Variants in SQOR observed in about 807,000 individuals in gnomAD.
SQOR encodes the protein sulfide:quinone oxidoreductase, mitochondrial.
SQOR carries 39 observed loss-of-function variants against 48.6 expected under a neutral mutation model. The ratio of observed to expected loss-of-function variants is 0.80; its 90% CI spans 0.62 to 1.05. The LOEUF (loss-of-function observed/expected upper bound fraction) is 1.05, where lower values mean the gene tolerates loss of function less well. Ranked by LOEUF, SQOR falls within the 50% of genes least tolerant of loss-of-function variation. The pLI is 0.00. For missense variants in SQOR, 561 were observed against 559.9 expected (o/e 1.00, Z -0.02); for synonymous variants, 220 against 206.2 (o/e 1.07, Z -0.57).
chr15:45,636,635 C>A (rs185539855), intron 1 of SQOR, among the ~76,000 whole-genome samples: 2 of 151,910 alleles, frequency 1.3e-5, no homozygotes, highest in Non-Finnish European at 2.9e-5. Flanking sequence ...ATCTCTTGAC[C>A]TTGTGATACG....
At chr15:45,684,111 C>T (rs1388717523) in intron 7 of SQOR, among the ~76,000 whole-genome samples, 1 of 152,148 alleles carries the variant, frequency 6.6e-6, no homozygotes, top group African/African-American at 2.4e-5. Flanking sequence ...TGGGGTTTCA[C>T]CATGTTGGCC....
intron 2 of SQOR, among the ~76,000 whole-genome samples, chr15:45,659,379 T>A (rs999070404): frequency 1.3e-5 from 2 of 151,890 alleles, no homozygotes; most frequent in African/African-American, 4.8e-5. Context: ...TTTAGTGTTC[T>A]CCTCTGTATT....
At chr15:45,647,921 C>G (rs1403512394) in intron 1 of SQOR, among the ~76,000 whole-genome samples, 4 of 152,106 alleles carry the variant, frequency 2.6e-5, no homozygotes, top group Middle Eastern at 3.4e-3. Flanking sequence ...AAGACTGTCT[C>G]AAAAACAAAA....
chr15:45,673,498 G>A (rs1889978066), intron 4 of SQOR, 109 bp from the exon 5 acceptor site: 12 of 1,218,444 alleles, frequency 9.8e-6, no homozygotes, highest in Middle Eastern at 2.6e-4. Context: ...GGTATTGGAG[G>A]GTAATGATAG....
chr15:45,680,396 A>G (rs898157556), intron 6 of SQOR, among the ~76,000 whole-genome samples: 2 of 139,264 alleles, frequency 1.4e-5, no homozygotes, highest in African/African-American at 5.4e-5. Context: ...ACCTGGCCCA[A>G]TGTTAATTTC....
intron 7 of SQOR, among the ~76,000 whole-genome samples, chr15:45,686,349 A>T (rs1890225163): frequency 1.3e-5 from 2 of 152,030 alleles, no homozygotes; most frequent in South Asian, 4.1e-4. Flanking sequence ...ACGGGGTTTT[A>T]CCATGTTGGC....
chr15:45,660,912 T>C (rs987105407), intron 2 of SQOR, among the ~76,000 whole-genome samples: 2 of 152,092 alleles, frequency 1.3e-5, no homozygotes, highest in Non-Finnish European at 2.9e-5. Flanking sequence ...TCTAAGTGGA[T>C]TGGAATTCTT....
At chr15:45,644,085 T>C (rs1261142573) in intron 1 of SQOR, among the ~76,000 whole-genome samples, 1 of 150,572 alleles carries the variant, frequency 6.6e-6, no homozygotes, top group African/African-American at 2.4e-5. Context: ...AGACGGCGTA[T>C]TTTTTTTTTC....
rs553774935 is a variant in SQOR, at chr15:45,644,778, G to A, written c.-18+9670G>A. ...TTTGAATAATTTTAGAGTGCTCCAG[G>A]ATTCATGAGCTGCCTATAGTTGTAG... On this transcript the variant is annotated intron_variant, in intron 1 of 9. Coordinates refer to ENST00000260324, the MANE Select transcript of SQOR (RefSeq NM_021199.4). Among the ~76,000 whole-genome samples, 4 of 152,332 alleles carry A rather than the reference G, an allele frequency of 2.6e-5. No individual in the cohort carries two copies. The East Asian group carries it at 7.7e-4, about 29-fold the overall frequency.
chr15:45,657,745 C>T lies in SQOR; in HGVS notation c.-17-1162C>T, dbSNP rs185890831. Among the ~76,000 whole-genome samples the T allele has an allele frequency of 1.6e-4, 24 of 152,208 alleles. No homozygotes were observed. The East Asian group carries it at 3.7e-3, about 23-fold the overall frequency. ...TTGTGCAGGCTTCCTCTTCTCCAGT[C>T]GGGAGGATGGAAATGATATAATTAA... On this transcript the variant is annotated intron_variant, in intron 1 of 9. Coordinates refer to ENST00000260324, the MANE Select transcript of SQOR (RefSeq NM_021199.4).
At chr15:45,634,033 G>A (rs971858246), upstream of SQOR, among the ~76,000 whole-genome samples, 3 of 150,114 alleles carry the variant, frequency 2.0e-5, no homozygotes, top group Admixed American at 1.3e-4. Flanking sequence ...AAAATTAGCC[G>A]GGCATGGTGG....
rs1491332325 is a variant in SQOR, at chr15:45,661,289, TTA to T, written c.235-665_235-664del. ...TGGGGTGATTGGGCGAGACTCTGTCTTAAAAAAAAAAAAAAAAAAAAAAAAGG... is the reference window on the plus strand; with the variant it reads ...TGGGGTGATTGGGCGAGACTCTGTCTAAAAAAAAAAAAAAAAAAAAAAAGG... On this transcript the variant is annotated intron_variant, in intron 2 of 9. Transcript: ENST00000260324. 1.1e-4 allele frequency among the ~76,000 whole-genome samples: 9 copies of T among 84,378 alleles called. No homozygotes were observed. The East Asian group carries it at 1.2e-3, about 11-fold the overall frequency. 55.4% of individuals were successfully genotyped at this position (84,378 alleles called of 152,430 possible). A position where few individuals can be genotyped will look rare whatever the true frequency, so the allele number is the denominator to read the frequency against.
chr15:45,686,066 A>G (rs1595511434), intron 7 of SQOR, among the ~76,000 whole-genome samples: 2 of 149,228 alleles, frequency 1.3e-5, no homozygotes, highest in East Asian at 2.0e-4. Context: ...CCCAAGTCTC[A>G]AACTCCTGGG....
rs535949978 is a variant in SQOR, at chr15:45,659,105, G to C, written c.182G>C (p.Arg61Pro). The C allele has an allele frequency of 6.3e-7, 1 of 1,579,458 alleles. No individual in the cohort carries two copies. Among genetic ancestry groups the C allele is most frequent in the South Asian group, 1.2e-5 (1 of 86,530 alleles). ...GGSGGITMAA[R>P]MKRKVGAENV... ...AGTGGCGGAATCACCATGGCTGCCCGCATGAAGAGGAAAGTGGGTGCAGAG... is the reference window on the plus strand; with the variant it reads ...AGTGGCGGAATCACCATGGCTGCCCCCATGAAGAGGAAAGTGGGTGCAGAG... Residue 61 changes from arginine to proline, a missense_variant, in exon 2 of 10, where the codon CGC (arginine) becomes CCC (proline). Physicochemically the swap from Arg to Pro is moderately radical, Grantham distance 103 (BLOSUM62 -2). Coordinates refer to ENST00000260324, the MANE Select transcript of SQOR (RefSeq NM_021199.4).
intron 1 of SQOR, among the ~76,000 whole-genome samples, chr15:45,650,559 G>A (rs982329542): frequency 6.6e-6 from 1 of 152,180 alleles, no homozygotes; most frequent in East Asian, 1.9e-4. Context: ...CAACACGAAA[G>A]AGGACCAGAA....
intron 1 of SQOR, among the ~76,000 whole-genome samples, chr15:45,654,115 CAAA>C (rs60006729): frequency 4.4e-4 from 47 of 107,886 alleles, no homozygotes; most frequent in East Asian, 3.6e-3. Flanking sequence ...GAGTGAGACT[CAAA>C]AAAAAAAAAA....
chr15:45,659,017 C>T lies in SQOR; in HGVS notation c.94C>T (p.Leu32=). 1 of 1,603,466 alleles carries T rather than the reference C, an allele frequency of 6.2e-7. No individual in the cohort carries two copies. Among genetic ancestry groups the T allele is most frequent in the Middle Eastern group, 1.8e-4 (1 of 5,610 alleles). Reference sequence around the variant, plus strand: ...CACTCAGCAGGTCGGCCCCCTTCAGCTGCACACCGGGGCCAGCCATGCGGC... The same window carrying T: ...CACTCAGCAGGTCGGCCCCCTTCAGTTGCACACCGGGGCCAGCCATGCGGC... The part of the protein sequence containing the change: ...LGTQQVGPLQ[L]HTGASHAARN... Residue 32 remains leucine (L), a synonymous_variant, in exon 2 of 10, where the codon CTG becomes TTG. Coordinates refer to ENST00000260324, the MANE Select transcript of SQOR (RefSeq NM_021199.4).
chr15:45,641,070 C>G (rs916812674), intron 1 of SQOR, among the ~76,000 whole-genome samples: 3 of 152,132 alleles, frequency 2.0e-5, no homozygotes, highest in African/African-American at 7.2e-5. Flanking sequence ...AGTCAAAACT[C>G]TTAACTTTCA....
rs867190714 is a variant in SQOR at position 45,636,114 on chromosome 15, C to A, written c.-18+1006C>A. Among the ~76,000 whole-genome samples the A allele has an allele frequency of 1.2e-4, 19 of 152,160 alleles. 1 individual carries two copies. The highest frequency in any genetic ancestry group is 8.3e-4 in the South Asian group (4 of 4,814). ...AAAGTGCTGGGATTACACGAGTGAG[C>A]CACCGCGCTGGACCAGAACAATGCT... On this transcript the variant is annotated intron_variant, in intron 1 of 9. Transcript: ENST00000260324.
Sources: allele counts gnomAD v4.1 joint callset (sites outside exome capture counted in the v4.1 genomes callset), GRCh38; gene constraint gnomAD v4.1.1; transcripts MANE v1.5; gene names NCBI Gene and HGNC (gene_info 2026-07-23, HGNC 2026-07-21).